The following HNF4A variants were observed in gnomAD, a reference collection of about 807,000 sequenced individuals.
HNF4A encodes hepatocyte nuclear factor 4-alpha.
In HNF4A, 15 loss-of-function variants were observed where a neutral mutation model predicts 52.4. That is an observed-to-expected ratio of 0.29 (90% CI 0.19 to 0.44). The LOEUF (loss-of-function observed/expected upper bound fraction) is 0.44, where lower values mean the gene tolerates loss of function less well. Ranked by LOEUF, HNF4A falls within the 20% of genes least tolerant of loss-of-function variation. The pLI, the probability that HNF4A is intolerant of heterozygous loss-of-function variation, is 1.00. For synonymous variants in HNF4A, 280 were observed against 264.4 expected, an observed-to-expected ratio of 1.06 and a Z score of -0.57; for missense variants, 479 against 647.2, an observed-to-expected ratio of 0.74 and a Z score of 2.82.
At position 44,406,062 on chromosome 20, in the gene HNF4A, G is replaced by A. The variant is rs765851861; in HGVS notation, c.120G>A (p.Thr40=). 40 of 1,612,022 alleles carry A rather than the reference G, an allele frequency of 2.5e-5. No individual in the cohort carries two copies. The highest frequency in any genetic ancestry group is 2.1e-4 in the Middle Eastern group (1 of 4,740). The change falls in exon 2 of 10, where the codon ACG becomes ACA. Residue 40 remains threonine, a synonymous_variant. Transcript: ENST00000316099. ...CTCCCTTCTCTCCTGGCGCAGACAC[G>A]TCCCCATCAGAAGGCACCAACCTCA...
intron 1 of HNF4A, among the ~76,000 whole-genome samples, chr20:44,402,806 T>A (rs1158188551): frequency 2.0e-5 from 3 of 152,140 alleles, no homozygotes; most frequent in African/African-American, 7.2e-5. Flanking sequence ...AGGCTGCAGC[T>A]CCAGCTGAGG....
At chr20:44,373,837 G>A (rs952460115) in intron 1 of HNF4A, among the ~76,000 whole-genome samples, 2 of 151,854 alleles carry the variant, frequency 1.3e-5, no homozygotes, top group East Asian at 1.9e-4. Flanking sequence ...CTACAGGCAC[G>A]CACCACCATG....
upstream of HNF4A, among the ~76,000 whole-genome samples, chr20:44,401,025 G>A (rs2146338548): frequency 6.6e-6 from 1 of 152,192 alleles, no homozygotes; most frequent in East Asian, 1.9e-4. Flanking sequence ...GAGTCATGAT[G>A]CCTGCCTTGT....
Position 44,419,611 on chromosome 20 carries a change from G to A in HNF4A, c.737-110G>A, listed in dbSNP as rs73111879. On this transcript the variant is annotated intron_variant, in intron 6 of 9. Transcript: ENST00000316099. The stretch of plus-strand genomic sequence containing the variant: ...TGAAATGGGAGTCACCATCCCTGCA[G>A]GTCCTCCTCCCACAGGCACCAGCTA... 724 of 988,056 alleles carry A rather than the reference G, an allele frequency of 7.3e-4. 2 individuals are homozygous for A. The highest frequency in any genetic ancestry group is 1.1e-3 in the Non-Finnish European group (690 of 624,450). 61.2% of individuals were successfully genotyped at this position (988,056 alleles called of 1,614,324 possible).
chr20:44,367,908 G>T (rs2062986418), intron 1 of HNF4A, among the ~76,000 whole-genome samples: 1 of 151,658 alleles, frequency 6.6e-6, no homozygotes, highest in African/African-American at 2.4e-5. Context: ...CAGCGCATGA[G>T]AGGCGGAGCT....
chr20:44,414,794 C>T (rs976864051), intron 5 of HNF4A, 132 bp downstream of exon 5: 16 of 836,988 alleles, frequency 1.9e-5, no homozygotes, highest in African/African-American at 1.9e-4. Context: ...AGTGCACACA[C>T]GTGTCTGAAA....
intron 8 of HNF4A, among the ~76,000 whole-genome samples, chr20:44,425,576 T>A (rs1042363335): frequency 5.3e-5 from 8 of 151,530 alleles, no homozygotes; most frequent in African/African-American, 1.9e-4. Context: ...GAGGACAGAA[T>A]AAACAACAAG....
chr20:44,404,969 C>CTG, intron 1 of HNF4A, among the ~76,000 whole-genome samples: 1 of 9,272 alleles, frequency 1.1e-4, no homozygotes, highest in African/African-American at 4.5e-4. Context: ...TGTGTGTGGA[C>CTG]TGTGGTGTGT....
chr20:44,428,582 T>G (rs538456704), intron 9 of HNF4A, 95 bp downstream of exon 9: 1 of 1,239,250 alleles, frequency 8.1e-7, no homozygotes, highest in South Asian at 1.3e-5. Flanking sequence ...AGAACCAGGA[T>G]GCAACAGTTT....
In HNF4A at chr20:44,429,640, C is replaced by T. The variant is rs905385550; in HGVS notation, c.1400C>T (p.Thr467Ile). 1 of 1,614,080 alleles carries T rather than the reference C, an allele frequency of 6.2e-7. No individual in the cohort carries two copies. The highest frequency in any genetic ancestry group is 8.5e-7 in the Non-Finnish European group (1 of 1,180,016). Residue 467 changes from threonine (T) to isoleucine (I), a missense_variant, in exon 10 of 10, where the codon ACC becomes ATC. Coordinates refer to ENST00000316099, the MANE Select transcript of HNF4A (RefSeq NM_000457.6). ...CCCCTCTCTGCCATCCCCCAGCCGA[C>T]CATCACCAAGCAGGAAGTTATCTAG...
In HNF4A at chr20:44,429,740, C is replaced by T. The variant is rs921093406; in HGVS notation, c.*75C>T. On this transcript the variant is annotated 3_prime_UTR_variant, in exon 10 of 10. Coordinates refer to ENST00000316099, the MANE Select transcript of HNF4A (RefSeq NM_000457.6). ...AGAGCACCTGGTGATCACGTGGTCA[C>T]GGCAAAGGAAGACGTGATGCCAGGA... The T allele has an allele frequency of 3.1e-5, 45 of 1,470,276 alleles. No individual in the cohort carries two copies. The highest frequency in any genetic ancestry group is 6.8e-5 in the South Asian group (6 of 87,626). The allele number at this position is 1,470,276 out of a possible 1,614,324, so 91.1% of individuals were successfully genotyped here.
At chr20:44,363,304 C>T (rs148177326) in intron 1 of HNF4A, among the ~76,000 whole-genome samples, 2 of 152,100 alleles carry the variant, frequency 1.3e-5, no homozygotes, top group Middle Eastern at 3.4e-3. Context: ...TGAATTTGAA[C>T]GATTATTATT....
chr20:44,390,540 G>A (rs758477249), intron 1 of HNF4A: 30 of 690,740 alleles, frequency 4.3e-5, no homozygotes, highest in Non-Finnish European at 7.1e-5. Flanking sequence ...TCTGCCCAGC[G>A]GCCCTCGCAG....
chr20:44,428,323 C>T lies in HNF4A; in HGVS notation c.1130-12C>T, dbSNP rs1174009757. On this transcript the variant is annotated splice_polypyrimidine_tract_variant and intron_variant, in intron 8 of 9. Transcript: ENST00000316099. ...CAGACTCTCCATCCTGATCGACCTT[C>T]TCTACCTGCAGGGTCCCCCAGCGAT... The T allele has an allele frequency of 6.2e-7, 1 of 1,613,878 alleles. No individual in the cohort carries two copies.
upstream of HNF4A, chr20:44,401,207 C>T: frequency 6.7e-7 from 1 of 1,500,700 alleles, no homozygotes; most frequent in Non-Finnish European, 8.9e-7. Flanking sequence ...GAGCCTCCAC[C>T]CCTTCACAGA....
At chr20:44,411,578 T>G (rs1431748563) in intron 3 of HNF4A, among the ~76,000 whole-genome samples, 1 of 152,178 alleles carries the variant, frequency 6.6e-6, no homozygotes, top group Non-Finnish European at 1.5e-5. Context: ...TGCTCTGAGC[T>G]GGCCCCGTCC....
At chr20:44,394,083 C>T (rs1485756781) in intron 1 of HNF4A, among the ~76,000 whole-genome samples, 1 of 152,174 alleles carries the variant, frequency 6.6e-6, no homozygotes, top group Non-Finnish European at 1.5e-5. Flanking sequence ...GCCCATGGGA[C>T]ACAGAGCCAG....
intron 1 of HNF4A, among the ~76,000 whole-genome samples, chr20:44,389,273 G>T (rs950166214): frequency 2.6e-5 from 4 of 152,164 alleles, no homozygotes; most frequent in African/African-American, 9.7e-5. Context: ...CGTTTTTCAT[G>T]TATTTACTTG....
chr20:44,368,160 ATTTTTTT>A (rs1181828023), intron 1 of HNF4A, among the ~76,000 whole-genome samples: 12 of 27,780 alleles, frequency 4.3e-4, no homozygotes, highest in African/African-American at 1.6e-3. Context: ...ATATATATAT[ATTTTTTT>A]TTTTTTTTTT....
Sources: gnomAD v4.1 joint callset for allele counts (sites outside exome capture counted in the v4.1 genomes callset) on GRCh38, gnomAD v4.1.1 for gene constraint, MANE v1.5 for transcripts, NCBI Gene and HGNC (gene_info 2026-07-23, HGNC 2026-07-21) for gene names.